Variants in SHISA9 observed in about 807,000 individuals in gnomAD.
SHISA9 encodes the protein protein shisa-9.
SHISA9 carries 13 observed loss-of-function variants against 38.0 expected under a neutral mutation model. That is an observed-to-expected ratio of 0.34 (90% CI 0.22 to 0.54). The LOEUF is 0.54. SHISA9 is among the 20% of genes least tolerant of loss of function. The pLI is 0.91. For missense variants in SHISA9, 538 were observed against 575.8 expected, an observed-to-expected ratio of 0.93 and a Z score of 0.67; for synonymous variants, 275 against 242.0, an observed-to-expected ratio of 1.14 and a Z score of -1.27.
chr16:13,268,767 A>C, the SHISA9 span, among the ~76,000 whole-genome samples: 1 of 152,194 alleles, frequency 6.6e-6, no homozygotes, highest in East Asian at 1.9e-4. Context: ...TTAAAAAATC[A>C]ACATGCATCC....
chr16:13,410,036 T>C, the SHISA9 span, among the ~76,000 whole-genome samples: 1 of 152,232 alleles, frequency 6.6e-6, no homozygotes, highest in Non-Finnish European at 1.5e-5. Context: ...ATTATATTTT[T>C]AGTAGTATTA....
chr16:13,280,117 C>CTTTTTTTT, the SHISA9 span, among the ~76,000 whole-genome samples: 242 of 102,750 alleles, frequency 2.4e-3, no homozygotes, highest in Non-Finnish European at 2.8e-3. Context: ...CTCTCTTTCT[C>CTTTTTTTT]TTTTTTTTTT....
chr16:13,108,414 A>G (rs900568895), intron 2 of SHISA9, among the ~76,000 whole-genome samples: 8 of 152,132 alleles, frequency 5.3e-5, no homozygotes, highest in African/African-American at 1.9e-4. Flanking sequence ...GCAGGCAGGC[A>G]CCATCATGCC....
the SHISA9 span, among the ~76,000 whole-genome samples, chr16:13,320,402 C>A: frequency 6.6e-6 from 1 of 151,368 alleles, no homozygotes; most frequent in Non-Finnish European, 1.5e-5. Context: ...GGTATGTGAC[C>A]TTGAGCAAGT....
Position 13,095,872 on chromosome 16 carries a change from G to C in SHISA9, c.692-107522G>C, listed in dbSNP as rs181333795. ...AGGATCACTTGGAGAGCTTTTTAAAGCACAGATTGTTGGCCAGTTTGCCTA... is the reference window on the plus strand; with the variant it reads ...AGGATCACTTGGAGAGCTTTTTAAACCACAGATTGTTGGCCAGTTTGCCTA... On this transcript the variant is annotated intron_variant, in intron 2 of 4. Coordinates refer to ENST00000558583, the MANE Select transcript of SHISA9 (RefSeq NM_001145204.3). 2.0e-5 allele frequency among the ~76,000 whole-genome samples: 3 copies of C among 152,330 alleles called. No homozygotes were observed. In the East Asian group the frequency reaches 5.8e-4, roughly 29 times the overall value.
At chr16:12,910,710 G>A (rs1321155484) in intron 1 of SHISA9, 1 of 985,238 alleles carries the variant, frequency 1.0e-6, no homozygotes. Flanking sequence ...AAAAAGCTTA[G>A]CTTCTTCTTC....
At chr16:13,383,596 G>A in the SHISA9 span, among the ~76,000 whole-genome samples, 1 of 152,154 alleles carries the variant, frequency 6.6e-6, no homozygotes, top group Non-Finnish European at 1.5e-5. Flanking sequence ...AGCATATTAA[G>A]TTGGTGCAAA....
chr16:13,393,383 C>T, the SHISA9 span, among the ~76,000 whole-genome samples: 1 of 152,208 alleles, frequency 6.6e-6, no homozygotes, highest in Admixed American at 6.5e-5. Flanking sequence ...CCAAATGTCT[C>T]ACCAACTTTC....
At chr16:13,324,226 G>A in the SHISA9 span, among the ~76,000 whole-genome samples, 1 of 152,136 alleles carries the variant, frequency 6.6e-6, no homozygotes, top group African/African-American at 2.4e-5. Context: ...CCCAGCCTCA[G>A]GTATTCCTTT....
the SHISA9 span, among the ~76,000 whole-genome samples, chr16:13,530,196 G>T: frequency 6.6e-6 from 1 of 152,186 alleles, no homozygotes; most frequent in Non-Finnish European, 1.5e-5. Flanking sequence ...AGCTACTCAG[G>T]AGGCTGAAGC....
intron 2 of SHISA9, among the ~76,000 whole-genome samples, chr16:12,968,595 C>G (rs1026981848): frequency 4.6e-5 from 7 of 152,174 alleles, no homozygotes; most frequent in African/African-American, 1.7e-4. Context: ...GAATGAACAG[C>G]TACAACTGTA....
At chr16:13,320,465 T>C in the SHISA9 span, among the ~76,000 whole-genome samples, 1 of 152,174 alleles carries the variant, frequency 6.6e-6, no homozygotes, top group Non-Finnish European at 1.5e-5. Context: ...AATGTTAAAC[T>C]CTTTGGGTGC....
At chr16:13,519,065 A>G in the SHISA9 span, among the ~76,000 whole-genome samples, 1 of 152,246 alleles carries the variant, frequency 6.6e-6, no homozygotes, top group African/African-American at 2.4e-5. Context: ...TTGTGGAGAC[A>G]AATTCACATT....
the SHISA9 span, among the ~76,000 whole-genome samples, chr16:13,296,474 A>C: frequency 6.6e-6 from 1 of 152,048 alleles, no homozygotes. Context: ...AATACTGGGA[A>C]TATGGTTGAA....
At chr16:12,911,702 A>G (rs12596725) in intron 1 of SHISA9, 21,567 of 152,166 alleles carry the variant, frequency 0.14, 1,594 homozygotes, top group South Asian at 0.28. Flanking sequence ...ATCTCAATAG[A>G]CTGTAATTGT....
chr16:13,499,020 C>T, the SHISA9 span, among the ~76,000 whole-genome samples: 11 of 152,238 alleles, frequency 7.2e-5, no homozygotes, highest in African/African-American at 2.6e-4. Flanking sequence ...GAGGTCTGCC[C>T]CTGAGCAGGA....
the SHISA9 span, among the ~76,000 whole-genome samples, chr16:13,258,600 C>G: frequency 6.6e-6 from 1 of 152,070 alleles, no homozygotes; most frequent in South Asian, 2.1e-4. Context: ...AAACTGGGAA[C>G]AAAAAGAGGC....
intron 2 of SHISA9, among the ~76,000 whole-genome samples, chr16:13,008,633 TCCTCCCTCCCTCCCTC>T (rs1255250360): frequency 6.7e-5 from 6 of 90,058 alleles, no homozygotes; most frequent in South Asian, 3.8e-4. Flanking sequence ...TCTCCCTCTC[TCCTCCCTCCCTCCCTC>T]CCTCCCTCCC....
intron 2 of SHISA9, among the ~76,000 whole-genome samples, chr16:13,117,221 C>A (rs1245729756): frequency 6.6e-6 from 1 of 152,178 alleles, no homozygotes; most frequent in South Asian, 2.1e-4. Context: ...GTGATCCTCC[C>A]ATCTCGGCTT....
Sources: allele counts gnomAD v4.1 joint callset (sites outside exome capture counted in the v4.1 genomes callset), GRCh38; gene constraint gnomAD v4.1.1; transcripts MANE v1.5; gene names NCBI Gene and HGNC (gene_info 2026-07-23, HGNC 2026-07-21).